GUCY1A1: variants seen among roughly 807,000 people sequenced by gnomAD.
The protein encoded by GUCY1A1 is guanylate cyclase soluble subunit alpha-1.
A neutral mutation model predicts 64.5 loss-of-function variants in GUCY1A1; 48 were observed. The ratio of observed to expected loss-of-function variants is 0.74; its 90% confidence interval spans 0.59 to 0.95. GUCY1A1 has a LOEUF of 0.95. Ranked by LOEUF, GUCY1A1 falls within the 40% of genes least tolerant of loss-of-function variation. The pLI, the probability that GUCY1A1 is intolerant of heterozygous loss-of-function variation, is 0.00. For missense variants in GUCY1A1, 804 were observed against 825.3 expected (o/e 0.97, Z 0.32); for synonymous variants, 308 against 303.4 (o/e 1.02, Z -0.16).
intron 2 of GUCY1A1, among the ~76,000 whole-genome samples, chr4:155,673,151 CT>C (rs1007701173): frequency 2.0e-5 from 3 of 151,232 alleles, no homozygotes; most frequent in Admixed American, 6.6e-5. Flanking sequence ...GACATTTTTT[CT>C]TTTTTTTATA....
chr4:155,718,524 A>G (rs1179796750), intron 8 of GUCY1A1, among the ~76,000 whole-genome samples: 1 of 152,146 alleles, frequency 6.6e-6, no homozygotes, highest in Non-Finnish European at 1.5e-5. Flanking sequence ...ATGGGACCTC[A>G]GCTGGGAATA....
chr4:155,702,755 A>G (rs903476897), intron 3 of GUCY1A1, among the ~76,000 whole-genome samples: 3 of 151,854 alleles, frequency 2.0e-5, no homozygotes, highest in Non-Finnish European at 4.4e-5. Flanking sequence ...GTATGTGTAT[A>G]TTTAAAACTA....
chr4:155,667,537 C>T (rs1336701883), intron 2 of GUCY1A1, 118 bp downstream of exon 2: 1 of 152,164 alleles, frequency 6.6e-6, no homozygotes, highest in Non-Finnish European at 1.5e-5. Flanking sequence ...GGTACGCTCC[C>T]AGTTGCCCAG....
chr4:155,670,687 C>A (rs1293922278), intron 2 of GUCY1A1, among the ~76,000 whole-genome samples: 1 of 152,146 alleles, frequency 6.6e-6, no homozygotes, highest in African/African-American at 2.4e-5. Context: ...CTCTTCCTTG[C>A]CACAAGAATG....
intron 2 of GUCY1A1, among the ~76,000 whole-genome samples, chr4:155,688,967 A>G (rs1341568074): frequency 6.6e-6 from 1 of 151,738 alleles, no homozygotes; most frequent in Non-Finnish European, 1.5e-5. Flanking sequence ...TTATGGAGAC[A>G]AGAGAAAAAT....
At chr4:155,670,711 G>A (rs1460970281) in intron 2 of GUCY1A1, among the ~76,000 whole-genome samples, 1 of 152,130 alleles carries the variant, frequency 6.6e-6, no homozygotes, top group African/African-American at 2.4e-5. Flanking sequence ...CTCACAGCCT[G>A]TAGTTTCTAA....
intron 2 of GUCY1A1, among the ~76,000 whole-genome samples, chr4:155,687,342 G>T (rs1404090394): frequency 1.3e-5 from 2 of 152,156 alleles, no homozygotes; most frequent in African/African-American, 4.8e-5. Context: ...GCAAGTGACT[G>T]AAGACTTGAT....
At position 155,713,312 on chromosome 4, in the gene GUCY1A1, C is replaced by G. The variant is rs1401852107; in HGVS notation, c.1301C>G (p.Ala434Gly). Reference sequence around the variant, plus strand: ...AAGAAGAGGCTGGGGAAGCTGAAGGCTACCCTTGAGCAAGCCCACCAAGCC... The same window carrying G: ...AAGAAGAGGCTGGGGAAGCTGAAGGGTACCCTTGAGCAAGCCCACCAAGCC... ...GLKKRLGKLK[A>G]TLEQAHQALE... Residue 434 changes from alanine to glycine, a missense_variant, in exon 7 of 10, where the codon GCT becomes GGT. Coordinates refer to ENST00000506455, the MANE Select transcript of GUCY1A1 (RefSeq NM_001130682.3). 7.4e-6 allele frequency: 12 copies of G among 1,614,034 alleles called. No homozygotes were observed. The highest frequency in any genetic ancestry group is 1.0e-5 in the Non-Finnish European group (12 of 1,180,016).
intron 7 of GUCY1A1, among the ~76,000 whole-genome samples, chr4:155,716,476 T>G (rs1733247485): frequency 6.6e-6 from 1 of 152,136 alleles, no homozygotes; most frequent in South Asian, 2.1e-4. Flanking sequence ...ACAATAATGA[T>G]GATGATAATG....
chr4:155,708,145 A>G (rs1303947989), intron 4 of GUCY1A1, 91 bp from the exon 5 acceptor site: 2 of 721,808 alleles, frequency 2.8e-6, no homozygotes, highest in South Asian at 1.7e-5. Context: ...CCTAATTTAA[A>G]CTATTTTCTA....
chr4:155,707,282 G>A (rs559250090), intron 4 of GUCY1A1, among the ~76,000 whole-genome samples: 5 of 152,168 alleles, frequency 3.3e-5, no homozygotes, highest in Non-Finnish European at 7.4e-5. Context: ...TAAACCCATC[G>A]TAACTTGAAA....
chr4:155,717,835 T>G (rs1421268951), intron 8 of GUCY1A1, among the ~76,000 whole-genome samples: 2 of 152,186 alleles, frequency 1.3e-5, no homozygotes, highest in East Asian at 1.9e-4. Flanking sequence ...CAATTGTTCT[T>G]GAGTTATAGT....
intron 6 of GUCY1A1, among the ~76,000 whole-genome samples, chr4:155,712,875 T>C (rs1242299995): frequency 6.6e-6 from 1 of 152,240 alleles, no homozygotes; most frequent in Non-Finnish European, 1.5e-5. Context: ...GCATTGTTCA[T>C]TGTAAATCTT....
At chr4:155,703,331 A>T (rs1731336612) in intron 3 of GUCY1A1, among the ~76,000 whole-genome samples, 1 of 152,364 alleles carries the variant, frequency 6.6e-6, no homozygotes, top group Non-Finnish European at 1.5e-5. Flanking sequence ...CAAATAAATG[A>T]TCAACTAACT....
chr4:155,730,374 A>T lies in GUCY1A1; in HGVS notation c.*143A>T. 1 of 490,344 alleles carries T rather than the reference A, an allele frequency of 2.0e-6. No individual in the cohort carries two copies. The highest frequency in any genetic ancestry group is 3.4e-6 in the Non-Finnish European group (1 of 291,488). 30.4% of individuals were successfully genotyped at this position (490,344 alleles called of 1,614,324 possible). On this transcript the variant is annotated 3_prime_UTR_variant, in exon 10 of 10. Transcript: ENST00000506455. Reference sequence around the variant, plus strand: ...CAAGTCACAATCTTTCTCCTGTTTAACATGACAAAATGTATGTACTCACTT... The same window carrying T: ...CAAGTCACAATCTTTCTCCTGTTTATCATGACAAAATGTATGTACTCACTT...
chr4:155,682,681 A>G (rs796157485), intron 2 of GUCY1A1, among the ~76,000 whole-genome samples: 2 of 145,234 alleles, frequency 1.4e-5, no homozygotes, highest in African/African-American at 5.1e-5. Flanking sequence ...CAAAAGAAAA[A>G]AAAAGAAAAG....
chr4:155,717,187 T>C lies in GUCY1A1; in HGVS notation c.1601T>C (p.Val534Ala), dbSNP rs1256580863. 3 of 1,544,376 alleles carry C rather than the reference T, an allele frequency of 1.9e-6. No homozygotes were observed. The South Asian group carries it at 3.7e-5, about 19-fold the overall frequency. ...KVETIGDAYCVAGGLHKESDT... is the reference protein window; with the variant it reads ...KVETIGDAYCAAGGLHKESDT... Reference sequence around the variant, plus strand: ...GAGACCATTGGCGATGCCTATTGTGTAGCTGGGGGATTACACAAAGAGAGT... The same window carrying C: ...GAGACCATTGGCGATGCCTATTGTGCAGCTGGGGGATTACACAAAGAGAGT... Residue 534 changes from valine (V) to alanine (A), a missense_variant, in exon 8 of 10, where the codon GTA becomes GCA. Val to Ala is a moderately conservative substitution (Grantham distance 64). Transcript: ENST00000506455.
chr4:155,696,827 C>T lies in GUCY1A1; in HGVS notation c.-41C>T. On this transcript the variant is annotated 5_prime_UTR_variant, in exon 3 of 10. Transcript: ENST00000506455. ...TCAGTCTCATATAAGAACTACAGCT[C>T]ATCAGGAGGAGATCGCAGCAGGGTA... 1 of 1,597,158 alleles carries T rather than the reference C, an allele frequency of 6.3e-7. No individual in the cohort carries two copies. Among genetic ancestry groups the T allele is most frequent in the Non-Finnish European group, 8.6e-7 (1 of 1,166,236 alleles).
At position 155,711,411 on chromosome 4, in the gene GUCY1A1, T is replaced by C. The variant is rs1579088752; in HGVS notation, c.1086+160T>C. On this transcript the variant is annotated intron_variant, in intron 6 of 9. Transcript: ENST00000506455. ...AAGCTGTAATAAACTGAAAACAAAA[T>C]TCTTTCTGCATTTGTTTGCTTACTT... 1.1e-5 allele frequency: 5 copies of C among 468,202 alleles called. No homozygotes were observed. In the South Asian group the frequency reaches 2.5e-4, roughly 23 times the overall value. The allele number at this position is 468,202 out of a possible 1,614,324, so 29.0% of individuals were successfully genotyped here. A position where few individuals can be genotyped will look rare whatever the true frequency, so the allele number is the denominator to read the frequency against.
Sources: allele counts gnomAD v4.1 joint callset (sites outside exome capture counted in the v4.1 genomes callset), GRCh38; gene constraint gnomAD v4.1.1; transcripts MANE v1.5; gene names NCBI Gene and HGNC (gene_info 2026-07-23, HGNC 2026-07-21).